TRHDE: variants seen among roughly 807,000 people sequenced by gnomAD.
The protein encoded by TRHDE is thyrotropin-releasing hormone-degrading ectoenzyme.
A neutral mutation model predicts 125.7 loss-of-function variants in TRHDE; 72 were observed. That is an observed-to-expected ratio of 0.57 (90% CI 0.47 to 0.70). The LOEUF is 0.70. Ranked by LOEUF, TRHDE falls within the 30% of genes least tolerant of loss-of-function variation. The pLI, the probability that TRHDE is intolerant of heterozygous loss-of-function variation, is 0.00. For missense variants in TRHDE, 1,110 were observed against 1,327.1 expected (o/e 0.84, Z 2.54); for synonymous variants, 509 against 509.1 (o/e 1.00, Z 0.00).
chr12:72,502,863 T>C (rs17797186), intron 6 of TRHDE, among the ~76,000 whole-genome samples: 8,764 of 152,180 alleles, frequency 0.058, 318 homozygotes, highest in Admixed American at 0.12. Flanking sequence ...CAAATGTGAA[T>C]ATGGAGAAAT....
At chr12:72,207,456 G>A (rs933534874) in intron 2 of TRHDE, among the ~76,000 whole-genome samples, 1 of 151,800 alleles carries the variant, frequency 6.6e-6, no homozygotes, top group African/African-American at 2.4e-5. Flanking sequence ...TGAGAAAAAA[G>A]CACAAAAAAA....
At chr12:72,640,985 A>ACAAT (rs776199089) in intron 15 of TRHDE, among the ~76,000 whole-genome samples, 4 of 152,320 alleles carry the variant, frequency 2.6e-5, no homozygotes, top group Non-Finnish European at 4.4e-5. Context: ...CAGTGTTAAT[A>ACAAT]CAATCACTAA....
chr12:72,263,789 A>T (rs971414339), intron 2 of TRHDE: 2 of 152,052 alleles, frequency 1.3e-5, no homozygotes, highest in African/African-American at 4.8e-5. Context: ...AAATACTTAA[A>T]ACTTTTTTGT....
At chr12:72,463,147 C>T (rs909276454) in intron 3 of TRHDE, among the ~76,000 whole-genome samples, 2 of 152,178 alleles carry the variant, frequency 1.3e-5, no homozygotes, top group African/African-American at 2.4e-5. Flanking sequence ...CATCCCCTGA[C>T]TACACTAGGG....
At chr12:72,098,578 G>GA (rs1228387296) in intron 1 of TRHDE, among the ~76,000 whole-genome samples, 3 of 152,154 alleles carry the variant, frequency 2.0e-5, no homozygotes, top group Non-Finnish European at 2.9e-5. Context: ...TTGACCAGTA[G>GA]AATTTGGTAA....
chr12:72,239,224 C>T (rs1878425400), intron 2 of TRHDE, among the ~76,000 whole-genome samples: 3 of 108,830 alleles, frequency 2.8e-5, no homozygotes, highest in African/African-American at 6.5e-5. Context: ...CCTTTGCCCA[C>T]TTTTTGATTT....
chr12:72,272,349 C>T, upstream of TRHDE: 1 of 363,294 alleles, frequency 2.8e-6, no homozygotes. This position sits in a 1 kb window ranked among gnomAD's most constrained non-coding sequence, Gnocchi z 6.7. Flanking sequence ...CAGCATGTGC[C>T]CCGCCGCCGG....
intron 7 of TRHDE, among the ~76,000 whole-genome samples, chr12:72,543,154 G>A (rs1160364852): frequency 6.6e-6 from 1 of 151,264 alleles, no homozygotes; most frequent in Non-Finnish European, 1.5e-5. Context: ...TCTGTTCTTA[G>A]TAAGCTTTTC....
At chr12:72,543,149 T>C (rs1592525101) in intron 7 of TRHDE, among the ~76,000 whole-genome samples, 1 of 151,460 alleles carries the variant, frequency 6.6e-6, no homozygotes, top group Non-Finnish European at 1.5e-5. Flanking sequence ...TCTTATCTGT[T>C]CTTAGTAAGC....
chr12:72,651,788 T>A (rs1169902269), intron 15 of TRHDE, among the ~76,000 whole-genome samples: 2 of 152,034 alleles, frequency 1.3e-5, no homozygotes, highest in Non-Finnish European at 2.9e-5. Context: ...TCTACTTATA[T>A]TTTGGTATCT....
At chr12:72,478,453 C>T (rs911751665) in intron 5 of TRHDE, among the ~76,000 whole-genome samples, 9 of 152,122 alleles carry the variant, frequency 5.9e-5, no homozygotes, top group Non-Finnish European at 7.4e-5. Flanking sequence ...CATTGACTAA[C>T]TGAAATATAG....
intron 12 of TRHDE, among the ~76,000 whole-genome samples, chr12:72,592,189 C>A (rs914408350): frequency 2.2e-4 from 34 of 152,116 alleles, no homozygotes; most frequent in Admixed American, 1.3e-3. Context: ...TTGTATAGAT[C>A]TCTTTCCAAA....
chr12:72,494,656 T>C (rs988971939), intron 5 of TRHDE, among the ~76,000 whole-genome samples: 11 of 152,026 alleles, frequency 7.2e-5, no homozygotes, highest in African/African-American at 2.7e-4. Flanking sequence ...CTCTTTTAAC[T>C]CCTCAGACTT....
intron 2 of TRHDE, among the ~76,000 whole-genome samples, chr12:72,295,385 T>G (rs994726094): frequency 1.3e-5 from 2 of 152,174 alleles, no homozygotes; most frequent in African/African-American, 4.8e-5. Context: ...GATGGCCCAC[T>G]GCTGCCGTCA....
rs1265541022 is a variant in TRHDE at position 72,499,642 on chromosome 12, A to G, written c.1722+7A>G. On this transcript the variant is annotated splice_region_variant and intron_variant, in intron 6 of 18. Transcript: ENST00000261180. ...CTGGATCGCATATAAAAAGGTGGGAATAAAGAACAAAGTGCCAATTAGATA... is the reference window on the plus strand; with the variant it reads ...CTGGATCGCATATAAAAAGGTGGGAGTAAAGAACAAAGTGCCAATTAGATA... The G allele has an allele frequency of 6.2e-7, 1 of 1,612,660 alleles. No homozygotes were observed. Among genetic ancestry groups the G allele is most frequent in the Non-Finnish European group, 8.5e-7 (1 of 1,179,312 alleles).
At chr12:72,320,394 T>A (rs1592542232) in intron 2 of TRHDE, among the ~76,000 whole-genome samples, 1 of 152,314 alleles carries the variant, frequency 6.6e-6, no homozygotes, top group Non-Finnish European at 1.5e-5. Flanking sequence ...TATAAATAGT[T>A]GTTACAGTGT....
chr12:72,413,005 T>C (rs1473404567), intron 3 of TRHDE, among the ~76,000 whole-genome samples: 1 of 151,906 alleles, frequency 6.6e-6, no homozygotes, highest in Non-Finnish European at 1.5e-5. Flanking sequence ...TATGAAGTGG[T>C]TTATTAAGTT....
At chr12:72,098,083 A>G (rs1874977340) in intron 1 of TRHDE, among the ~76,000 whole-genome samples, 1 of 151,966 alleles carries the variant, frequency 6.6e-6, no homozygotes, top group Admixed American at 6.6e-5. Flanking sequence ...AAGTCTCACT[A>G]TGTCGCCCGG....
rs56969276 is a variant in TRHDE at position 72,240,305 on chromosome 12, T to TTATA, written n.279+134573_279+134576dup. ...TTTCAGGGTATGTCCTTCTCACATT[T>TTATA]TATATATATATATATATATATATTT... On this transcript the variant is annotated intron_variant and non_coding_transcript_variant, in intron 2 of 4. Coordinates refer to the TRHDE transcript ENST00000548156. Among the ~76,000 whole-genome samples, 965 of 111,324 alleles carry TTATA rather than the reference T, an allele frequency of 8.7e-3. 6 individuals are homozygous for TTATA. Among genetic ancestry groups the TTATA allele is most frequent in the African/African-American group, 0.021 (779 of 36,800 alleles). 73.0% of individuals were successfully genotyped at this position (111,324 alleles called of 152,430 possible).
Sources: gnomAD v4.1 joint callset for allele counts (sites outside exome capture counted in the v4.1 genomes callset) on GRCh38, gnomAD v4.1.1 for gene constraint, Gnocchi (gnomAD v3.1) non-coding constraint, MANE v1.5 for transcripts, NCBI Gene and HGNC (gene_info 2026-07-23, HGNC 2026-07-21) for gene names.